TMEM181: variants seen among roughly 807,000 people sequenced by gnomAD.
The protein encoded by TMEM181 is transmembrane protein 181.
A neutral mutation model predicts 71.9 loss-of-function variants in TMEM181; 39 were observed. The ratio of observed to expected loss-of-function variants is 0.54; its 90% CI spans 0.42 to 0.71. The LOEUF is 0.71. Ranked by LOEUF, TMEM181 falls within the 30% of genes least tolerant of loss-of-function variation. TMEM181 has a pLI of 0.00. For missense variants in TMEM181, 595 were observed against 583.0 expected, an observed-to-expected ratio of 1.02 and a Z score of -0.21; for synonymous variants, 245 against 228.8, an observed-to-expected ratio of 1.07 and a Z score of -0.64.
At chr6:158,562,323 G>A (rs1053979326) in intron 1 of TMEM181, among the ~76,000 whole-genome samples, 3 of 152,132 alleles carry the variant, frequency 2.0e-5, no homozygotes, top group Admixed American at 1.3e-4. Flanking sequence ...GACGGTGTGG[G>A]GCGTCTCATT....
At chr6:158,621,226 C>T (rs1007721604) in intron 10 of TMEM181, among the ~76,000 whole-genome samples, 3 of 152,212 alleles carry the variant, frequency 2.0e-5, no homozygotes, top group Non-Finnish European at 4.4e-5. Context: ...TTTCCCCTCT[C>T]TGTCTGTGCC....
chr6:158,628,393 C>T lies in TMEM181; in HGVS notation c.1110-15C>T, dbSNP rs1227611778. 4 of 1,613,972 alleles carry T rather than the reference C, an allele frequency of 2.5e-6. No individual in the cohort carries two copies. The highest frequency in any genetic ancestry group is 3.4e-6 in the Non-Finnish European group (4 of 1,179,872). On this transcript the variant is annotated splice_polypyrimidine_tract_variant and intron_variant, in intron 13 of 16. Transcript: ENST00000684151. Reference sequence around the variant, plus strand: ...GCATGTTTACATATTGTCTCTGCTCCTCTGTCTTGTTCAGCATCGCCATCC... The same window carrying T: ...GCATGTTTACATATTGTCTCTGCTCTTCTGTCTTGTTCAGCATCGCCATCC...
chr6:158,629,968 C>T (rs958054869), intron 15 of TMEM181, 149 bp downstream of exon 15: 14 of 708,028 alleles, frequency 2.0e-5, no homozygotes, highest in African/African-American at 7.1e-5. Flanking sequence ...GTTGAAATGT[C>T]GAGCTCTGAG....
chr6:158,546,429 A>G (rs956734253), intron 1 of TMEM181, among the ~76,000 whole-genome samples: 9 of 152,236 alleles, frequency 5.9e-5, no homozygotes, highest in African/African-American at 2.2e-4. Context: ...AAGGGTACAC[A>G]TGACGAGAAT....
chr6:158,560,002 C>T, upstream of TMEM181: 1 of 974,330 alleles, frequency 1.0e-6, no homozygotes, highest in Non-Finnish European at 1.2e-6. Flanking sequence ...CCCCTCGCCG[C>T]GCGCCCGCGG....
intron 6 of TMEM181, among the ~76,000 whole-genome samples, chr6:158,597,080 G>C (rs535183340): frequency 2.0e-5 from 3 of 152,128 alleles, no homozygotes; most frequent in Admixed American, 2.0e-4. Context: ...CTAGATGGTC[G>C]ATGGCCCCTT....
At chr6:158,592,918 T>TA (rs547729473) in intron 6 of TMEM181, among the ~76,000 whole-genome samples, 2 of 151,758 alleles carry the variant, frequency 1.3e-5, no homozygotes, top group African/African-American at 2.4e-5. Flanking sequence ...AGACCCTGTC[T>TA]AAAAAAAATG....
At chr6:158,602,616 CT>C (rs35954544) in intron 6 of TMEM181, among the ~76,000 whole-genome samples, 47,300 of 148,232 alleles carry the variant, frequency 0.32, 7,779 homozygotes, top group East Asian at 0.6. Context: ...AATTTATGTA[CT>C]TTTTTTTTTT....
At chr6:158,614,425 C>T (rs781770993) in intron 10 of TMEM181, among the ~76,000 whole-genome samples, 3 of 152,060 alleles carry the variant, frequency 2.0e-5, no homozygotes, top group Non-Finnish European at 2.9e-5. Context: ...TCCTTGCATT[C>T]GTTTGCTATT....
chr6:158,579,329 TAACA>T (rs1432049879), intron 2 of TMEM181, among the ~76,000 whole-genome samples: 5 of 150,212 alleles, frequency 3.3e-5, no homozygotes, highest in African/African-American at 4.9e-5. Flanking sequence ...TTATTCACAA[TAACA>T]AACTGTGGAA....
chr6:158,606,780 T>C (rs775679948), intron 7 of TMEM181, among the ~76,000 whole-genome samples: 1 of 152,238 alleles, frequency 6.6e-6, no homozygotes, highest in African/African-American at 2.4e-5. Flanking sequence ...TGGCACCATC[T>C]TGGAAGCTGC....
chr6:158,553,914 A>ATT (rs905352971), intron 1 of TMEM181, among the ~76,000 whole-genome samples: 1 of 148,552 alleles, frequency 6.7e-6, no homozygotes. Flanking sequence ...CATTATTTTT[A>ATT]TTTTTTTTTT....
Position 158,562,446 on chromosome 6 carries a change from TTGTGTGTGTG to T in TMEM181, c.8+2234_8+2243del, listed in dbSNP as rs58150738. Among the ~76,000 whole-genome samples, 32 of 141,190 alleles carry T rather than the reference TTGTGTGTGTG, an allele frequency of 2.3e-4. No homozygotes were observed. In the South Asian group the frequency reaches 2.6e-3, roughly 12 times the overall value. The allele number at this position is 141,190 out of a possible 152,430, so 92.6% of individuals were successfully genotyped here. A position where few individuals can be genotyped will look rare whatever the true frequency, so the allele number is the denominator to read the frequency against. ...TCTGCAAATTTAAATAAGGCTGTTTTTGTGTGTGTGTGTGTGTGTGTGTGTGTGTCTTGCT... is the reference window on the plus strand; with the variant it reads ...TCTGCAAATTTAAATAAGGCTGTTTTTGTGTGTGTGTGTGTGTGTCTTGCT... On this transcript the variant is annotated intron_variant, in intron 1 of 16. Transcript: ENST00000684151.
chr6:158,582,628 A>G (rs922572158), intron 3 of TMEM181, among the ~76,000 whole-genome samples: 2 of 151,780 alleles, frequency 1.3e-5, no homozygotes, highest in Non-Finnish European at 2.9e-5. Context: ...TTGCACCACT[A>G]CACTCCAGCC....
chr6:158,565,820 G>A (rs1183033293), intron 1 of TMEM181, among the ~76,000 whole-genome samples: 1 of 152,134 alleles, frequency 6.6e-6, no homozygotes. Context: ...CGGGCGAGTG[G>A]ACAGTTGCTT....
At chr6:158,552,225 G>A (rs79981738) in intron 1 of TMEM181, among the ~76,000 whole-genome samples, 2,032 of 151,976 alleles carry the variant, frequency 0.013, 27 homozygotes, top group Non-Finnish European at 0.021. Context: ...GTTTTTTTTA[G>A]GCCAGTTACC....
chr6:158,560,722 G>C (rs1425880385), intron 1 of TMEM181, among the ~76,000 whole-genome samples: 1 of 152,248 alleles, frequency 6.6e-6, no homozygotes, highest in Non-Finnish European at 1.5e-5. Context: ...GATTGGTGAC[G>C]TGGGCACCGG....
At position 158,623,551 on chromosome 6, in the gene TMEM181, G is replaced by C; in HGVS notation, c.898G>C (p.Val300Leu). ...ASVTLGIWQTVNELHDPMYQY... is the reference protein window; with the variant it reads ...ASVTLGIWQTLNELHDPMYQY... ...ATTATTTATAATGTCAATTTTTAGA[G>C]TTAACGAATTACATGATCCAATGTA... Residue 300 changes from valine (V) to leucine (L), a missense_variant and splice_region_variant, in exon 11 of 17, where the codon GTT (valine) becomes CTT (leucine). Physicochemically the swap from Val to Leu is conservative, Grantham distance 32. Coordinates refer to ENST00000684151, the MANE Select transcript of TMEM181 (RefSeq NM_001376852.1). 1 of 1,555,816 alleles carries C rather than the reference G, an allele frequency of 6.4e-7. No individual in the cohort carries two copies. The highest frequency in any genetic ancestry group is 8.7e-7 in the Non-Finnish European group (1 of 1,145,220).
intron 3 of TMEM181, among the ~76,000 whole-genome samples, chr6:158,582,331 C>G (rs1026865313): frequency 6.6e-6 from 1 of 152,152 alleles, no homozygotes; most frequent in Non-Finnish European, 1.5e-5. Context: ...AGAGACCATC[C>G]TCACTTCACT....
Sources: gnomAD v4.1 joint callset for allele counts (sites outside exome capture counted in the v4.1 genomes callset) on GRCh38, gnomAD v4.1.1 for gene constraint, MANE v1.5 for transcripts, NCBI Gene and HGNC (gene_info 2026-07-23, HGNC 2026-07-21) for gene names.